Variants in OSBP observed in about 807,000 individuals in gnomAD.
OSBP encodes oxysterol binding protein.
In OSBP, 32 loss-of-function variants were observed where a neutral mutation model predicts 96.6. The observed-to-expected ratio is 0.33, with a 90% CI of 0.25 to 0.45. The LOEUF is 0.45. Ranked by LOEUF, OSBP falls within the 20% of genes least tolerant of loss-of-function variation. The pLI, the probability that OSBP is intolerant of heterozygous loss-of-function variation, is 1.00. For synonymous variants in OSBP, 369 were observed against 389.6 expected (o/e 0.95, Z 0.62); for missense variants, 653 against 1,029.7 (o/e 0.63, Z 5.01).
In OSBP at chr11:59,615,591, GCGC is replaced by G. The variant is rs1165081864; in HGVS notation, c.71_73del (p.Gly24del). On this transcript the variant is annotated inframe_deletion, in exon 1 of 14. Coordinates refer to ENST00000263847, the MANE Select transcript of OSBP (RefSeq NM_002556.3). ...GCCTCCTCCCACCACTGGGGGACCG[GCGC>G]CGCCGCCGCCAAGTGCTGCAATGGC... 1.3e-5 allele frequency: 18 copies of G among 1,374,682 alleles called. No homozygotes were observed. Among genetic ancestry groups the G allele is most frequent in the South Asian group, 6.5e-5 (4 of 61,822 alleles). The allele number at this position is 1,374,682 out of a possible 1,614,324, so 85.2% of individuals were successfully genotyped here.
Position 59,578,923 on chromosome 11 carries a change from A to G in OSBP, c.1879-593T>C, listed in dbSNP as rs751940486. Among the ~76,000 whole-genome samples the G allele has an allele frequency of 3.4e-4, 52 of 152,178 alleles. 1 individual carries two copies. The highest frequency in any genetic ancestry group is 5.3e-4 in the Non-Finnish European group (36 of 68,034). ...AATTTGCATTTATCCTTTGTGTTGC[A>G]AACAATTCAATTATACTCTTTTAGT... is the stretch of plus-strand genomic sequence containing the variant. On this transcript the variant is annotated intron_variant, in intron 11 of 13. Coordinates refer to ENST00000263847, the MANE Select transcript of OSBP (RefSeq NM_002556.3).
chr11:59,585,205 G>A lies in OSBP; in HGVS notation c.1679-3651C>T, dbSNP rs1255004298. On this transcript the variant is annotated intron_variant, in intron 9 of 13. Transcript: ENST00000263847. ...TAGGAAGTGAGGAGCGCCTCTTCCC[G>A]GCCGCCATCACATCTAGGAAGTGAG... Among the ~76,000 whole-genome samples, 147 of 151,350 alleles carry A rather than the reference G, an allele frequency of 9.7e-4. 2 individuals are homozygous for A. The highest frequency in any genetic ancestry group is 2.9e-4 in the Non-Finnish European group (20 of 67,824).
At chr11:59,593,819 GT>G in intron 8 of OSBP, 95 bp from the exon 9 acceptor site, 5 of 1,531,050 alleles carry the variant, frequency 3.3e-6, no homozygotes, top group South Asian at 1.2e-5. Context: ...CACACTTGAC[GT>G]TTTTACACCC....
intron 3 of OSBP, among the ~76,000 whole-genome samples, chr11:59,604,187 G>C (rs1363745603): frequency 6.6e-6 from 1 of 152,120 alleles, no homozygotes; most frequent in African/African-American, 2.4e-5. Context: ...ACCTCAAAGA[G>C]TCGTTGTTTT....
chr11:59,608,713 G>A lies in OSBP; in HGVS notation c.593C>T (p.Ser198Phe). The part of the protein sequence containing the change: ...AESDESGDEE[S>F]VSQTDKTELQ... ...CTCAGTCTTGTCAGTTTGTGAGACAGACTCTTCATCTCCTGATTCATCTGT... is the reference window on the plus strand; with the variant it reads ...CTCAGTCTTGTCAGTTTGTGAGACAAACTCTTCATCTCCTGATTCATCTGT... Residue 198 changes from serine to phenylalanine, a missense_variant, in exon 3 of 14, where the codon TCT (serine) becomes TTT (phenylalanine). By Grantham distance (155) the Ser-to-Phe change is radical. Transcript: ENST00000263847. 6.2e-7 allele frequency: 1 copy of A among 1,613,996 alleles called. No homozygotes were observed.
chr11:59,585,108 T>C lies in OSBP; in HGVS notation c.1679-3554A>G, dbSNP rs1367993931. On this transcript the variant is annotated intron_variant, in intron 9 of 13. Transcript: ENST00000263847. ...CTGCCTGGCTGCCCATCGTCTGGGA[T>C]GTGAGGAGCCCCTCTGCCTGGCTGC... is the stretch of plus-strand genomic sequence containing the variant. 3.4e-5 allele frequency among the ~76,000 whole-genome samples: 5 copies of C among 148,020 alleles called. No individual in the cohort carries two copies. In the East Asian group the frequency reaches 6.2e-4, roughly 18 times the overall value.
At chr11:59,610,318 C>G (rs1860828897) in intron 2 of OSBP, 63 bp downstream of exon 2, 4 of 1,401,344 alleles carry the variant, frequency 2.9e-6, no homozygotes, top group Non-Finnish European at 4.0e-6. Context: ...TGATGACAAA[C>G]AAAATCTGTG....
chr11:59,583,300 A>C (rs753320640), intron 9 of OSBP, among the ~76,000 whole-genome samples: 1 of 152,192 alleles, frequency 6.6e-6, no homozygotes, highest in Non-Finnish European at 1.5e-5. Context: ...CGACAGAGCA[A>C]GTCGCTGTCT....
In OSBP at chr11:59,601,664, G is replaced by A; in HGVS notation, c.997C>T (p.Pro333Ser). Residue 333 changes from proline to serine, a missense_variant, in exon 4 of 14, where the codon CCT becomes TCT. Pro to Ser is a moderately conservative substitution (Grantham distance 74). Transcript: ENST00000263847. ...CCTTTACCAGAACCCACATTGCCAG[G>A]AGTGTTTGCCGGCAGCACCGTGGCT... is the stretch of plus-strand genomic sequence containing the variant. Reference protein sequence around the residue: ...RGATVLPANTPGNVGSGKDQC... With the variant: ...RGATVLPANTSGNVGSGKDQC... The A allele has an allele frequency of 6.2e-7, 1 of 1,612,942 alleles. No individual in the cohort carries two copies. The highest frequency in any genetic ancestry group is 2.0e-4 in the Middle Eastern group (1 of 5,084).
At chr11:59,602,913 C>A (rs1055989068) in intron 3 of OSBP, among the ~76,000 whole-genome samples, 7 of 152,220 alleles carry the variant, frequency 4.6e-5, no homozygotes, top group African/African-American at 1.7e-4. Flanking sequence ...AGCCACTGTG[C>A]CCAGTCGTGG....
chr11:59,600,426 A>G (rs1590675121), intron 7 of OSBP, 70 bp downstream of exon 7: 3 of 1,533,452 alleles, frequency 2.0e-6, no homozygotes, highest in Non-Finnish European at 2.7e-6. Context: ...TGGGGCTGTC[A>G]TATCAGCACT....
chr11:59,596,873 G>C (rs551295413), intron 7 of OSBP, among the ~76,000 whole-genome samples: 1 of 152,280 alleles, frequency 6.6e-6, no homozygotes, highest in East Asian at 1.9e-4. Context: ...CCAGACTCCA[G>C]TAGCCACGGA....
At chr11:59,593,199 G>A (rs1366872936) in intron 9 of OSBP, among the ~76,000 whole-genome samples, 7 of 152,132 alleles carry the variant, frequency 4.6e-5, no homozygotes, top group Admixed American at 3.3e-4. Flanking sequence ...AGGAAGGAGA[G>A]GAGAAAGCGG....
intron 9 of OSBP, among the ~76,000 whole-genome samples, chr11:59,589,854 G>A (rs555973577): frequency 6.6e-6 from 1 of 152,046 alleles, no homozygotes; most frequent in East Asian, 1.9e-4. Flanking sequence ...GCGGTGGCGG[G>A]CACCTGTAAT....
chr11:59,592,749 C>A (rs1860600954), intron 9 of OSBP, among the ~76,000 whole-genome samples: 2 of 151,872 alleles, frequency 1.3e-5, no homozygotes, highest in East Asian at 3.9e-4. Context: ...CTGATCCTGA[C>A]ACAAAATTAA....
At chr11:59,612,955 C>T (rs1860870175) in intron 1 of OSBP, among the ~76,000 whole-genome samples, 1 of 152,060 alleles carries the variant, frequency 6.6e-6, no homozygotes, top group Admixed American at 6.5e-5. Context: ...ACAGCTCATC[C>T]GAGGATGGGT....
chr11:59,586,529 T>C (rs935052167), intron 9 of OSBP, among the ~76,000 whole-genome samples: 17 of 152,248 alleles, frequency 1.1e-4, no homozygotes, highest in Non-Finnish European at 2.5e-4. Context: ...AATCCCAAGA[T>C]GTTTTCTGCA....
At chr11:59,584,042 C>A (rs1860461940) in intron 9 of OSBP, among the ~76,000 whole-genome samples, 1 of 149,926 alleles carries the variant, frequency 6.7e-6, no homozygotes, top group Non-Finnish European at 1.5e-5. Flanking sequence ...ACCTCCTGGG[C>A]TCAAGTGATC....
At chr11:59,593,518 T>C (rs1860610920) in intron 9 of OSBP, 86 bp downstream of exon 9, 10 of 1,478,972 alleles carry the variant, frequency 6.8e-6, no homozygotes, top group Non-Finnish European at 9.4e-6. Context: ...TCCTGTCTCC[T>C]GACTCTTTAG....
Sources: allele counts gnomAD v4.1 joint callset (sites outside exome capture counted in the v4.1 genomes callset), GRCh38; gene constraint gnomAD v4.1.1; transcripts MANE v1.5; gene names NCBI Gene and HGNC (gene_info 2026-07-23, HGNC 2026-07-21).